The following OSBPL10 variants were observed in gnomAD, a reference collection of about 807,000 sequenced individuals.
The protein encoded by OSBPL10 is oxysterol-binding protein-related protein 10.
OSBPL10 carries 49 observed loss-of-function variants against 81.7 expected under a neutral mutation model. The ratio of observed to expected loss-of-function variants is 0.60; its 90% confidence interval spans 0.48 to 0.76. OSBPL10 has a LOEUF of 0.76. Among genes scored for constraint, OSBPL10 ranks in the 30% least tolerant of loss-of-function variants. OSBPL10 has a pLI of 0.00. For synonymous variants in OSBPL10, 419 were observed against 383.6 expected, an observed-to-expected ratio of 1.09 and a Z score of -1.08; for missense variants, 923 against 987.8, an observed-to-expected ratio of 0.93 and a Z score of 0.88.
intron 1 of OSBPL10, among the ~76,000 whole-genome samples, chr3:31,942,032 T>A (rs1575049735): frequency 6.6e-6 from 1 of 152,080 alleles, no homozygotes; most frequent in Non-Finnish European, 1.5e-5. Flanking sequence ...CCCAGCACTT[T>A]GGGAAGCCGA....
chr3:31,792,733 GAC>G (rs1246695428), intron 4 of OSBPL10, among the ~76,000 whole-genome samples: 55 of 133,170 alleles, frequency 4.1e-4, no homozygotes, highest in African/African-American at 1.4e-3. Context: ...CAGCTATCCA[GAC>G]ACAGAGTGTG....
chr3:31,848,746 A>T (rs1359533857), intron 3 of OSBPL10, among the ~76,000 whole-genome samples: 1 of 152,234 alleles, frequency 6.6e-6, no homozygotes, highest in African/African-American at 2.4e-5. Flanking sequence ...GCCATCTAAA[A>T]GCATGGCCAA....
At chr3:31,948,776 A>G (rs1257321959) in intron 1 of OSBPL10, among the ~76,000 whole-genome samples, 3 of 152,196 alleles carry the variant, frequency 2.0e-5, no homozygotes. Context: ...AGTTTTCTGT[A>G]CAGTGTGTAC....
intron 1 of OSBPL10, among the ~76,000 whole-genome samples, chr3:31,912,352 G>A (rs534864986): frequency 1.9e-4 from 28 of 150,184 alleles, no homozygotes; most frequent in East Asian, 1.6e-3. Context: ...CGAGATTTGC[G>A]CCACTGCACT....
In OSBPL10 at chr3:31,748,048, G is replaced by C; in HGVS notation, c.802C>G (p.Leu268Val). ...AGCAGGTCCTGGTCCAAGGCAGTGA[G>C]GGGGCCGGACCCTGGCAGGGACTCA... Reference protein sequence around the residue: ...AIESLPGSGPLTALDQDLLLL... With the variant: ...AIESLPGSGPVTALDQDLLLL... Residue 268 changes from leucine to valine, a missense_variant, in exon 5 of 12, where the codon CTC becomes GTC. Physicochemically the swap from Leu to Val is conservative, Grantham distance 32. Coordinates refer to ENST00000396556, the MANE Select transcript of OSBPL10 (RefSeq NM_017784.5). The C allele has an allele frequency of 1.2e-6, 2 of 1,614,192 alleles. No individual in the cohort carries two copies. Among genetic ancestry groups the C allele is most frequent in the Non-Finnish European group, 8.5e-7 (1 of 1,180,040 alleles).
intron 4 of OSBPL10, among the ~76,000 whole-genome samples, chr3:31,793,935 G>T (rs1318178235): frequency 6.6e-6 from 1 of 152,196 alleles, no homozygotes; most frequent in Non-Finnish European, 1.5e-5. Context: ...CATTGACATT[G>T]TATTAGGCTT....
At chr3:32,025,071 C>A (rs1198748757) in intron 2 of OSBPL10, among the ~76,000 whole-genome samples, 1 of 152,102 alleles carries the variant, frequency 6.6e-6, no homozygotes, top group East Asian at 1.9e-4. Context: ...TCACCTTGTT[C>A]ATGATCTTAG....
intron 4 of OSBPL10, among the ~76,000 whole-genome samples, chr3:31,815,318 G>A (rs529472307): frequency 2.4e-4 from 36 of 152,174 alleles, no homozygotes; most frequent in Admixed American, 1.8e-3. Flanking sequence ...CTGCTGATTC[G>A]TAAGCAAAAT....
chr3:31,740,300 C>G (rs1200471360), intron 5 of OSBPL10, among the ~76,000 whole-genome samples: 1 of 152,156 alleles, frequency 6.6e-6, no homozygotes, highest in South Asian at 2.1e-4. Flanking sequence ...CCTCGGCCTC[C>G]CAAAGTGCTG....
rs60075610 is a variant in OSBPL10, at chr3:31,938,874, G to A, written c.281+42025C>T. Among the ~76,000 whole-genome samples, 2,512 of 152,142 alleles carry A rather than the reference G, an allele frequency of 0.017. 234 individuals carry two copies. The East Asian group carries it at 0.25, about 15-fold the overall frequency. On this transcript the variant is annotated intron_variant, in intron 1 of 11. Coordinates refer to ENST00000396556, the MANE Select transcript of OSBPL10 (RefSeq NM_017784.5). ...CCTTCCTCTAACTCCACTCTCAGACGATAACCTCACCTCCTACTTTACAGA... is the reference window on the plus strand; with the variant it reads ...CCTTCCTCTAACTCCACTCTCAGACAATAACCTCACCTCCTACTTTACAGA...
chr3:31,869,608 G>A (rs1184154706), intron 3 of OSBPL10, among the ~76,000 whole-genome samples: 1 of 152,116 alleles, frequency 6.6e-6, no homozygotes, highest in East Asian at 1.9e-4. Flanking sequence ...AAAATATGGG[G>A]CTCAAGGGGA....
At chr3:31,805,217 T>C (rs1321226124) in intron 4 of OSBPL10, among the ~76,000 whole-genome samples, 1 of 152,174 alleles carries the variant, frequency 6.6e-6, no homozygotes, top group African/African-American at 2.4e-5. Flanking sequence ...TAAAACAAAA[T>C]TCACAACCTG....
At chr3:31,739,685 G>C (rs865780015) in intron 5 of OSBPL10, among the ~76,000 whole-genome samples, 2 of 152,082 alleles carry the variant, frequency 1.3e-5, no homozygotes, top group South Asian at 4.2e-4. Flanking sequence ...CATGAAGAGA[G>C]CCCTCACCAG....
chr3:32,031,594 T>C (rs1229067737), intron 2 of OSBPL10, among the ~76,000 whole-genome samples: 1 of 152,088 alleles, frequency 6.6e-6, no homozygotes, highest in African/African-American at 2.4e-5. Context: ...CCCAAGTAGC[T>C]GGGACTACAG....
At chr3:31,906,372 C>T (rs964047429) in intron 1 of OSBPL10, among the ~76,000 whole-genome samples, 1 of 152,122 alleles carries the variant, frequency 6.6e-6, no homozygotes, top group Non-Finnish European at 1.5e-5. Context: ...CATTATATCA[C>T]TCGATTAAAC....
At chr3:31,876,597 G>T (rs1701478930) in intron 2 of OSBPL10, 85 bp from the exon 3 acceptor site, 3 of 1,168,620 alleles carry the variant, frequency 2.6e-6, no homozygotes, top group African/African-American at 1.5e-5. Flanking sequence ...ACCTAAGGGG[G>T]TGGGGAGCCT....
At chr3:32,006,925 T>C (rs1699211717) in intron 2 of OSBPL10, among the ~76,000 whole-genome samples, 1 of 152,196 alleles carries the variant, frequency 6.6e-6, no homozygotes, top group South Asian at 2.1e-4. Flanking sequence ...TTTTATTTAT[T>C]TTTATTTTTT....
intron 1 of OSBPL10, among the ~76,000 whole-genome samples, chr3:31,939,969 C>A (rs1356296062): frequency 6.6e-6 from 1 of 152,186 alleles, no homozygotes; most frequent in Admixed American, 6.5e-5. Context: ...AATCCTCCTA[C>A]CTCGGCCTCC....
At chr3:31,989,646 T>C in intron 2 of OSBPL10, 1 of 1,614,166 alleles carries the variant, frequency 6.2e-7, no homozygotes, top group Non-Finnish European at 8.5e-7. Context: ...CTTCCTCAGT[T>C]CTAACGTCCC....
Sources: gnomAD v4.1 joint callset for allele counts (sites outside exome capture counted in the v4.1 genomes callset) on GRCh38, gnomAD v4.1.1 for gene constraint, MANE v1.5 for transcripts, NCBI Gene and HGNC (gene_info 2026-07-23, HGNC 2026-07-21) for gene names.